Variants in PTCHD4 observed in about 807,000 individuals in gnomAD.
The protein encoded by PTCHD4 is patched domain-containing protein 4.
In PTCHD4, 33 loss-of-function variants were observed where a neutral mutation model predicts 58.1. The observed-to-expected ratio is 0.57, with a 90% CI of 0.43 to 0.76. PTCHD4 has a LOEUF of 0.76. Ranked by LOEUF, PTCHD4 falls within the 30% of genes least tolerant of loss-of-function variation. PTCHD4 has a pLI of 0.00. For missense variants in PTCHD4, 1,058 were observed against 1,027.1 expected, an observed-to-expected ratio of 1.03 and a Z score of -0.41; for synonymous variants, 478 against 409.6, an observed-to-expected ratio of 1.17 and a Z score of -2.02.
At chr6:47,916,597 C>A (rs771083688) in intron 4 of PTCHD4, among the ~76,000 whole-genome samples, 2 of 151,996 alleles carry the variant, frequency 1.3e-5, no homozygotes, top group African/African-American at 4.8e-5. Context: ...TTGAACCAAA[C>A]TTTCTTACCC....
Position 47,901,627 on chromosome 6 carries a change from A to C in PTCHD4, c.899-21691T>G, listed in dbSNP as rs115629391. 2.6e-3 allele frequency: 2,798 copies of C among 1,085,222 alleles called. 61 individuals carry two copies. The African/African-American group carries it at 0.043, about 17-fold the overall frequency. 67.2% of individuals were successfully genotyped at this position (1,085,222 alleles called of 1,614,324 possible). ...GAGTCAGGTGGGAGATAGAAAAGAC[A>C]GTATGGGTTACAGACACACAGCTGT... On this transcript the variant is annotated intron_variant, in intron 4 of 4. Transcript: ENST00000339488.
chr6:48,026,078 A>G (rs995326910), intron 3 of PTCHD4, among the ~76,000 whole-genome samples: 3 of 152,176 alleles, frequency 2.0e-5, no homozygotes, highest in Non-Finnish European at 4.4e-5. Context: ...GGAATTTGGC[A>G]TAGTGACCAT....
At chr6:48,094,054 A>T (rs1765416018) in intron 1 of PTCHD4, among the ~76,000 whole-genome samples, 1 of 152,212 alleles carries the variant, frequency 6.6e-6, no homozygotes, top group Non-Finnish European at 1.5e-5. Context: ...CATAGAAAAG[A>T]GGCATAGATT....
intron 3 of PTCHD4, among the ~76,000 whole-genome samples, chr6:48,032,795 T>A (rs1352520944): frequency 6.6e-6 from 1 of 152,132 alleles, no homozygotes; most frequent in African/African-American, 2.4e-5. Flanking sequence ...TAAACTGAAA[T>A]AAATCTCTTT....
At chr6:47,989,943 T>C (rs914465950) in intron 4 of PTCHD4, among the ~76,000 whole-genome samples, 1 of 152,130 alleles carries the variant, frequency 6.6e-6, no homozygotes, top group Non-Finnish European at 1.5e-5. Flanking sequence ...AGACATTCAA[T>C]GACAGCCCAC....
At chr6:47,970,130 G>C (rs1767449149) in intron 4 of PTCHD4, among the ~76,000 whole-genome samples, 1 of 152,072 alleles carries the variant, frequency 6.6e-6, no homozygotes, top group Admixed American at 6.6e-5. Context: ...TGTAGTCAAA[G>C]GAAGCTACAA....
In PTCHD4 at chr6:47,859,682, A is replaced by C. The variant is rs116174268; in HGVS notation, c.*18621T>G. 0.036 allele frequency among the ~76,000 whole-genome samples: 5,547 copies of C among 152,138 alleles called. 159 individuals are homozygous for C. Among genetic ancestry groups the C allele is most frequent in the Non-Finnish European group, 0.048 (3,243 of 67,958 alleles). ...TTAGAGCTTTCAATTTACTGGGGAC[A>C]GACAGACAATAAACAAATCCCATGA... On this transcript the variant is annotated 3_prime_UTR_variant, in exon 5 of 5. Coordinates refer to ENST00000339488, the MANE Select transcript of PTCHD4 (RefSeq NM_001384253.1).
intron 4 of PTCHD4, among the ~76,000 whole-genome samples, chr6:47,986,386 T>C (rs1353526348): frequency 6.6e-6 from 1 of 152,198 alleles, no homozygotes; most frequent in African/African-American, 2.4e-5. Flanking sequence ...ATCTTCATTG[T>C]TAGTTACTCT....
intron 4 of PTCHD4, among the ~76,000 whole-genome samples, chr6:47,881,888 T>A (rs1764029900): frequency 6.6e-6 from 1 of 152,118 alleles, no homozygotes; most frequent in Non-Finnish European, 1.5e-5. Context: ...GAGTTTATCA[T>A]AACAAGTAGA....
At chr6:48,014,048 T>C (rs1762784868) in intron 3 of PTCHD4, among the ~76,000 whole-genome samples, 1 of 152,164 alleles carries the variant, frequency 6.6e-6, no homozygotes, top group Non-Finnish European at 1.5e-5. Flanking sequence ...AAAAAAAGTT[T>C]ATAAAAGGTA....
At chr6:47,995,810 T>C (rs1335914425) in intron 4 of PTCHD4, among the ~76,000 whole-genome samples, 1 of 152,162 alleles carries the variant, frequency 6.6e-6, no homozygotes, top group Admixed American at 6.5e-5. Flanking sequence ...TTCAATAAAA[T>C]GACTCCAGGA....
At chr6:47,961,140 C>G (rs960842987) in intron 4 of PTCHD4, among the ~76,000 whole-genome samples, 1 of 151,734 alleles carries the variant, frequency 6.6e-6, no homozygotes, top group East Asian at 1.9e-4. Flanking sequence ...TTCTACAAAG[C>G]GTATTCTCTA....
chr6:47,887,526 A>G (rs1764229623), intron 4 of PTCHD4, among the ~76,000 whole-genome samples: 1 of 152,152 alleles, frequency 6.6e-6, no homozygotes, highest in Admixed American at 6.6e-5. Context: ...AATAGATGTC[A>G]ATTATACCTA....
At chr6:47,886,949 G>A (rs2114114302) in intron 4 of PTCHD4, among the ~76,000 whole-genome samples, 1 of 152,260 alleles carries the variant, frequency 6.6e-6, no homozygotes, top group East Asian at 1.9e-4. Context: ...CTATACGCTA[G>A]ACTGAGATTG....
intron 4 of PTCHD4, among the ~76,000 whole-genome samples, chr6:47,921,121 T>C (rs908524230): frequency 6.6e-5 from 10 of 152,300 alleles, no homozygotes; most frequent in African/African-American, 1.9e-4. Context: ...ACTCTAAATA[T>C]AAAATATGAT....
At chr6:48,041,861 T>A (rs1763859239) in intron 3 of PTCHD4, among the ~76,000 whole-genome samples, 1 of 152,052 alleles carries the variant, frequency 6.6e-6, no homozygotes, top group African/African-American at 2.4e-5. Context: ...TAAAAAGCTA[T>A]CTGAAATTAT....
rs1450332407 is a variant in PTCHD4, at chr6:47,872,150, A to C, written c.*6153T>G. 2.0e-5 allele frequency among the ~76,000 whole-genome samples: 3 copies of C among 151,598 alleles called. No individual in the cohort carries two copies. The highest frequency in any genetic ancestry group is 7.3e-5 in the African/African-American group (3 of 41,344). On this transcript the variant is annotated 3_prime_UTR_variant, in exon 5 of 5. Transcript: ENST00000339488. The stretch of plus-strand genomic sequence containing the variant: ...TTCTAGTAACCATATTACATTAGAT[A>C]ATTTAAATGCTCCCCATAACATACT...
At chr6:47,999,819 CT>C (rs1267928910) in intron 4 of PTCHD4, among the ~76,000 whole-genome samples, 1 of 152,174 alleles carries the variant, frequency 6.6e-6, no homozygotes, top group Non-Finnish European at 1.5e-5. Flanking sequence ...AAACAATTAT[CT>C]GACCCAGAAA....
At chr6:47,969,791 T>C (rs539312938) in intron 4 of PTCHD4, among the ~76,000 whole-genome samples, 16 of 152,302 alleles carry the variant, frequency 1.1e-4, no homozygotes, top group African/African-American at 3.1e-4. Context: ...GATGGCAGAA[T>C]ACAATTTAGA....
Sources: allele counts gnomAD v4.1 joint callset (sites outside exome capture counted in the v4.1 genomes callset), GRCh38; gene constraint gnomAD v4.1.1; transcripts MANE v1.5; gene names NCBI Gene and HGNC (gene_info 2026-07-23, HGNC 2026-07-21).